The following PSME4 variants were observed in gnomAD, a reference collection of about 807,000 sequenced individuals.
PSME4 encodes the protein proteasome activator subunit 4.
Under a neutral mutation model 253.9 loss-of-function variants are expected in PSME4, and 89 were observed. The observed-to-expected ratio is 0.35, with a 90% CI of 0.30 to 0.42. The LOEUF is 0.42. Among genes scored for constraint, PSME4 ranks in the 10% least tolerant of loss-of-function variants. The pLI is 1.00. For synonymous variants in PSME4, 851 were observed against 759.2 expected (o/e 1.12, Z -1.99); for missense variants, 2,014 against 2,195.2 (o/e 0.92, Z 1.65).
At position 53,931,850 on chromosome 2, in the gene PSME4, G is replaced by T; in HGVS notation, c.1301C>A (p.Pro434His). 6.2e-7 allele frequency: 1 copy of T among 1,614,132 alleles called. No individual in the cohort carries two copies. Among genetic ancestry groups the T allele is most frequent in the South Asian group, 1.1e-5 (1 of 91,070 alleles). ...AACCACTTACCTTTCAAGTACAGGG[G>T]GTATTACCAATTCAGGTCTCATGAG... ...LALMRPELVI[P>H]PVLERTYPAL... The change falls in exon 10 of 47, where the codon CCC becomes CAC. Residue 434 changes from proline to histidine, a missense_variant. By Grantham distance (77) the Pro-to-His change is moderately conservative (BLOSUM62 -2). Transcript: ENST00000404125.
intron 1 of PSME4, among the ~76,000 whole-genome samples, chr2:53,958,121 G>A (rs1670316663): frequency 6.6e-6 from 1 of 151,212 alleles, no homozygotes; most frequent in South Asian, 2.1e-4. Flanking sequence ...GGGAGGCAGA[G>A]GTTGCAGTGA....
At chr2:53,880,778 A>C (rs1267149251) in intron 41 of PSME4, among the ~76,000 whole-genome samples, 1 of 152,166 alleles carries the variant, frequency 6.6e-6, no homozygotes, top group Non-Finnish European at 1.5e-5. Context: ...CAGGGTACAA[A>C]TGGTAAATAC....
chr2:53,870,136 A>C (rs1327857432), intron 43 of PSME4: 1 of 152,236 alleles, frequency 6.6e-6, no homozygotes, highest in Non-Finnish European at 1.5e-5. Context: ...ATTGTTTCAC[A>C]TATAAATCAC....
At chr2:53,868,652 C>T (rs1678723380) in intron 44 of PSME4, among the ~76,000 whole-genome samples, 1 of 144,880 alleles carries the variant, frequency 6.9e-6, no homozygotes, top group Non-Finnish European at 1.5e-5. Context: ...CTAGAATGTA[C>T]ATTGATATTT....
intron 44 of PSME4, among the ~76,000 whole-genome samples, chr2:53,867,204 T>G (rs1190281253): frequency 1.3e-5 from 2 of 152,168 alleles, no homozygotes; most frequent in East Asian, 3.9e-4. Context: ...CCAAAAATAA[T>G]TTTTAAAAAT....
chr2:53,919,306 A>G (rs1668196890), intron 19 of PSME4, 60 bp from the exon 20 acceptor site: 1 of 1,491,224 alleles, frequency 6.7e-7, no homozygotes, highest in East Asian at 2.4e-5. Flanking sequence ...AGCCTGCTAG[A>G]GCCTAGCACA....
intron 28 of PSME4, among the ~76,000 whole-genome samples, chr2:53,900,990 A>AC (rs1238299663): frequency 6.6e-6 from 1 of 152,186 alleles, no homozygotes; most frequent in Non-Finnish European, 1.5e-5. Flanking sequence ...TAAATTACGA[A>AC]CCCAGTAGTC....
intron 1 of PSME4, among the ~76,000 whole-genome samples, chr2:53,952,596 C>T (rs1004300139): frequency 6.6e-6 from 1 of 152,108 alleles, no homozygotes; most frequent in Admixed American, 6.5e-5. Flanking sequence ...ATTCATTCTC[C>T]CCTGTGGTTA....
At chr2:53,867,731 A>G (rs1463916359) in intron 44 of PSME4, among the ~76,000 whole-genome samples, 2 of 151,672 alleles carry the variant, frequency 1.3e-5, no homozygotes, top group African/African-American at 4.8e-5. Context: ...CAATGACAGC[A>G]TAATTGTACC....
At chr2:53,903,956 C>T (rs6731217) in intron 27 of PSME4, 69 bp downstream of exon 27, 90,407 of 1,309,110 alleles carry the variant, frequency 0.069, 5,101 homozygotes, top group African/African-American at 0.29. Context: ...GGATGTTTAC[C>T]GTAGAATTTT....
chr2:53,897,355 G>C (rs1302476163), intron 31 of PSME4, among the ~76,000 whole-genome samples: 1 of 152,024 alleles, frequency 6.6e-6, no homozygotes, highest in African/African-American at 2.4e-5. Flanking sequence ...TTCTAGTAGA[G>C]ACAGGGTTTC....
At chr2:53,931,811 C>A (rs1489319100) in intron 10 of PSME4, 24 bp downstream of exon 10, 1 of 1,610,002 alleles carries the variant, frequency 6.2e-7, no homozygotes, top group South Asian at 1.1e-5. Flanking sequence ...CTAGCTGTGG[C>A]TGAGACTCCC....
intron 46 of PSME4, 63 bp downstream of exon 46, chr2:53,866,022 A>C: frequency 6.9e-7 from 1 of 1,446,646 alleles, no homozygotes; most frequent in Non-Finnish European, 9.3e-7. Context: ...AAAAGAAAAA[A>C]AACAATAAAT....
rs746901205 is a variant in PSME4 at position 53,920,221 on chromosome 2, A to G, written c.2392T>C (p.Cys798Arg). The G allele has an allele frequency of 6.2e-7, 1 of 1,611,928 alleles. No individual in the cohort carries two copies. Among genetic ancestry groups the G allele is most frequent in the South Asian group, 1.1e-5 (1 of 90,714 alleles). Residue 798 changes from cysteine (C) to arginine (R), a missense_variant, in exon 19 of 47, where the codon TGT (cysteine) becomes CGT (arginine). Coordinates refer to ENST00000404125, the MANE Select transcript of PSME4 (RefSeq NM_014614.3). ...LQPELVKLQH[C>R]GDGKLEMSRD... is the part of the protein sequence containing the mutation. The stretch of plus-strand genomic sequence containing the variant: ...GACATTTCAAGTTTTCCATCCCCAC[A>G]ATGCTGGAGTTTGACGAGCTCAGGC...
intron 41 of PSME4, among the ~76,000 whole-genome samples, chr2:53,876,235 TA>T (rs1483591633): frequency 1.1e-4 from 17 of 152,218 alleles, no homozygotes; most frequent in Admixed American, 1.1e-3. Flanking sequence ...GTATGTTTCA[TA>T]AATCTCTTTC....
chr2:53,912,625 A>T (rs1667874926), intron 20 of PSME4, among the ~76,000 whole-genome samples: 2 of 152,014 alleles, frequency 1.3e-5, no homozygotes, highest in South Asian at 4.1e-4. Context: ...CTCGCCAGCT[A>T]ATTTTGTTTA....
At chr2:53,907,535 C>G (rs928524313) in intron 24 of PSME4, among the ~76,000 whole-genome samples, 1 of 152,164 alleles carries the variant, frequency 6.6e-6, no homozygotes, top group Non-Finnish European at 1.5e-5. Context: ...TCTCTTTGTA[C>G]TTACTGTTCA....
At chr2:53,938,987 T>G (rs1221289587) in intron 4 of PSME4, among the ~76,000 whole-genome samples, 4 of 152,182 alleles carry the variant, frequency 2.6e-5, no homozygotes. Flanking sequence ...ACTTGGGAGT[T>G]CTATGAATTA....
At chr2:53,949,103 A>G in intron 2 of PSME4, 40 bp downstream of exon 2, 1 of 1,515,974 alleles carries the variant, frequency 6.6e-7, no homozygotes, top group Non-Finnish European at 8.9e-7. Flanking sequence ...CCCTGAAGAA[A>G]CAAACAAACC....
Sources: gnomAD v4.1 joint callset for allele counts (sites outside exome capture counted in the v4.1 genomes callset) on GRCh38, gnomAD v4.1.1 for gene constraint, MANE v1.5 for transcripts, NCBI Gene and HGNC (gene_info 2026-07-23, HGNC 2026-07-21) for gene names.